The following KCNJ3 variants were observed in gnomAD, a reference collection of about 807,000 sequenced individuals.
KCNJ3 encodes the protein potassium inwardly rectifying channel subfamily J member 3.
KCNJ3 carries 4 observed loss-of-function variants against 39.2 expected under a neutral mutation model. The observed-to-expected ratio is 0.10, with a 90% CI of 0.05 to 0.23. The LOEUF (loss-of-function observed/expected upper bound fraction) is 0.23, where lower values mean the gene tolerates loss of function less well. Among genes scored for constraint, KCNJ3 ranks in the 10% least tolerant of loss-of-function variants. The probability of loss-of-function intolerance (pLI) is 1.00; values close to 1 mark genes in which losing one functional copy is unlikely to be tolerated. For synonymous variants in KCNJ3, 230 were observed against 237.4 expected (o/e 0.97, Z 0.29); for missense variants, 276 against 634.9 (o/e 0.43, Z 6.08).
At chr2:154,774,295 G>C (rs572602911) in intron 2 of KCNJ3, among the ~76,000 whole-genome samples, 1 of 152,206 alleles carries the variant, frequency 6.6e-6, no homozygotes, top group South Asian at 2.1e-4. Context: ...TGCCTGTAAA[G>C]TCTGCTTCAT....
intron 2 of KCNJ3, among the ~76,000 whole-genome samples, chr2:154,781,763 AG>A (rs1423010422): frequency 6.6e-6 from 1 of 152,230 alleles, no homozygotes; most frequent in African/African-American, 2.4e-5. Context: ...TATTTGCAAT[AG>A]GTACGTGTAA....
intron 2 of KCNJ3, among the ~76,000 whole-genome samples, chr2:154,761,062 C>CTTTT (rs11375045): frequency 6.7e-5 from 9 of 133,902 alleles, no homozygotes; most frequent in East Asian, 2.2e-4. Flanking sequence ...TTAATTTTTT[C>CTTTT]TTTTTTTTTT....
chr2:154,723,725 A>C (rs185846572), intron 2 of KCNJ3, among the ~76,000 whole-genome samples: 1 of 152,210 alleles, frequency 6.6e-6, no homozygotes, highest in African/African-American at 2.4e-5. Flanking sequence ...TTTAAAAACT[A>C]GATTAAATAT....
chr2:154,775,849 T>C (rs954724678), intron 2 of KCNJ3, among the ~76,000 whole-genome samples: 16 of 152,190 alleles, frequency 1.1e-4, no homozygotes, highest in African/African-American at 3.6e-4. Flanking sequence ...AAGGGGTTGA[T>C]GTAACGAAAG....
chr2:154,798,591 A>G (rs771849803), intron 2 of KCNJ3, among the ~76,000 whole-genome samples: 4 of 152,200 alleles, frequency 2.6e-5, no homozygotes, highest in Non-Finnish European at 5.9e-5. Flanking sequence ...GGGATATATC[A>G]GTGACAAAAA....
At chr2:154,743,463 C>T (rs1343101354) in intron 2 of KCNJ3, among the ~76,000 whole-genome samples, 1 of 151,658 alleles carries the variant, frequency 6.6e-6, no homozygotes, top group African/African-American at 2.4e-5. Flanking sequence ...ACAATATTGT[C>T]TTCCAGTCTA....
intron 2 of KCNJ3, among the ~76,000 whole-genome samples, chr2:154,823,834 CAG>C (rs943868168): frequency 4.6e-5 from 7 of 151,822 alleles, no homozygotes; most frequent in Non-Finnish European, 7.4e-5. Context: ...TCCATGGAGT[CAG>C]GGGGTTTGTG....
intron 2 of KCNJ3, among the ~76,000 whole-genome samples, chr2:154,802,926 T>C (rs894114872): frequency 1.3e-5 from 2 of 151,996 alleles, no homozygotes; most frequent in African/African-American, 4.8e-5. Context: ...AGATTCTAGA[T>C]TTTGCAATTA....
At chr2:154,815,757 G>T (rs368173905) in intron 2 of KCNJ3, among the ~76,000 whole-genome samples, 1 of 152,146 alleles carries the variant, frequency 6.6e-6, no homozygotes, top group East Asian at 1.9e-4. Context: ...TTGCCTCACT[G>T]CAGGCCCTTC....
At chr2:154,827,085 A>G (rs1687284013) in intron 2 of KCNJ3, among the ~76,000 whole-genome samples, 1 of 152,122 alleles carries the variant, frequency 6.6e-6, no homozygotes. Context: ...CTGTTCTTGG[A>G]GATGACAACC....
At chr2:154,846,515 T>A (rs1687665362) in intron 2 of KCNJ3, among the ~76,000 whole-genome samples, 1 of 152,140 alleles carries the variant, frequency 6.6e-6, no homozygotes, top group Non-Finnish European at 1.5e-5. Flanking sequence ...CTACCCATAT[T>A]TTATAGCAGT....
At chr2:154,765,698 G>A (rs931527794) in intron 2 of KCNJ3, among the ~76,000 whole-genome samples, 2 of 152,202 alleles carry the variant, frequency 1.3e-5, no homozygotes, top group Non-Finnish European at 2.9e-5. Flanking sequence ...GGGTGCCACA[G>A]CACTACAGTG....
At chr2:154,843,012 G>C (rs982938564) in intron 2 of KCNJ3, among the ~76,000 whole-genome samples, 1 of 152,152 alleles carries the variant, frequency 6.6e-6, no homozygotes, top group African/African-American at 2.4e-5. Flanking sequence ...CCCATTAATT[G>C]ATGTAGTTTC....
At chr2:154,773,554 C>T (rs1387372866) in intron 2 of KCNJ3, among the ~76,000 whole-genome samples, 2 of 152,138 alleles carry the variant, frequency 1.3e-5, no homozygotes, top group East Asian at 3.9e-4. Flanking sequence ...GCCATATTCA[C>T]TTGTTCTTCC....
At chr2:154,826,956 G>T (rs1463008495) in intron 2 of KCNJ3, among the ~76,000 whole-genome samples, 4 of 152,154 alleles carry the variant, frequency 2.6e-5, no homozygotes, top group African/African-American at 4.8e-5. Flanking sequence ...AACAGCATAT[G>T]TGATTTGGGG....
chr2:154,744,394 T>C (rs1460387357), intron 2 of KCNJ3, among the ~76,000 whole-genome samples: 1 of 151,796 alleles, frequency 6.6e-6, no homozygotes, highest in Non-Finnish European at 1.5e-5. Context: ...AGGTATTGTT[T>C]ATAACTAGTG....
intron 2 of KCNJ3, among the ~76,000 whole-genome samples, chr2:154,752,386 TAAGA>T (rs1685861566): frequency 6.6e-6 from 1 of 151,980 alleles, no homozygotes; most frequent in Admixed American, 6.6e-5. Flanking sequence ...TGAATATATC[TAAGA>T]AAGAATGTGA....
Position 154,702,546 on chromosome 2 carries a change from C to T in KCNJ3, c.702+3069C>T, listed in dbSNP as rs1684922313. ...GAAGTTTTTTGTAAAACTTATTTGC[C>T]TAATTTTTATTATGCTTTTCACTTA... On this transcript the variant is annotated intron_variant, in intron 1 of 2. Transcript: ENST00000295101. Among the ~76,000 whole-genome samples, 4 of 151,908 alleles carry T rather than the reference C, an allele frequency of 2.6e-5. No homozygotes were observed. In the South Asian group the frequency reaches 8.3e-4, roughly 32 times the overall value.
chr2:154,855,454 A>G lies in KCNJ3; in HGVS notation c.*141A>G, dbSNP rs1687820572. ...CATATTTGAGAACCCTTCCTTTCCCAAGTATTGCGAATGTGCAGAAAGCAA... is the reference window on the plus strand; with the variant it reads ...CATATTTGAGAACCCTTCCTTTCCCGAGTATTGCGAATGTGCAGAAAGCAA... On this transcript the variant is annotated 3_prime_UTR_variant, in exon 3 of 3. Transcript: ENST00000295101. 1 of 632,252 alleles carries G rather than the reference A, an allele frequency of 1.6e-6. No individual in the cohort carries two copies. The highest frequency in any genetic ancestry group is 2.8e-5 in the East Asian group (1 of 36,210). The allele number at this position is 632,252 out of a possible 1,614,324, so 39.2% of individuals were successfully genotyped here.
Sources: allele counts gnomAD v4.1 joint callset (sites outside exome capture counted in the v4.1 genomes callset), GRCh38; gene constraint gnomAD v4.1.1; transcripts MANE v1.5; gene names NCBI Gene and HGNC (gene_info 2026-07-23, HGNC 2026-07-21).